Variants in TAF4B observed in about 807,000 individuals in gnomAD.
TAF4B encodes the protein TATA-box binding protein associated factor 4b.
TAF4B carries 38 observed loss-of-function variants against 86.4 expected under a neutral mutation model. The ratio of observed to expected loss-of-function variants is 0.44; its 90% CI spans 0.34 to 0.58. TAF4B has a LOEUF of 0.58. Among genes scored for constraint, TAF4B ranks in the 20% least tolerant of loss-of-function variants. The probability of loss-of-function intolerance (pLI) is 0.02; values close to 1 mark genes in which losing one functional copy is unlikely to be tolerated. For missense variants in TAF4B, 988 were observed against 1,027.6 expected, an observed-to-expected ratio of 0.96 and a Z score of 0.53; for synonymous variants, 388 against 391.2, an observed-to-expected ratio of 0.99 and a Z score of 0.10.
chr18:26,382,048 T>G (rs2057483736), intron 14 of TAF4B, among the ~76,000 whole-genome samples: 1 of 152,210 alleles, frequency 6.6e-6, no homozygotes, highest in South Asian at 2.1e-4. Context: ...ACAAAGCTAC[T>G]GTTAATACAT....
At position 26,226,603 on chromosome 18, in the gene TAF4B, C is replaced by T. The variant is rs978823402; in HGVS notation, c.-331C>T. On this transcript the variant is annotated 5_prime_UTR_variant, in exon 1 of 15. Coordinates refer to ENST00000269142, the MANE Select transcript of TAF4B (RefSeq NM_005640.3). ...GTGAGCGACGACCTTCCGGGAGCCG[C>T]AAGTCCAGGCTCCCCCGCAGCGGGA... is the stretch of plus-strand genomic sequence containing the variant. 4.3e-5 allele frequency: 10 copies of T among 232,338 alleles called. No individual in the cohort carries two copies. Among genetic ancestry groups the T allele is most frequent in the African/African-American group, 1.8e-4 (8 of 44,404 alleles). The allele number at this position is 232,338 out of a possible 1,614,324, so 14.4% of individuals were successfully genotyped here.
intron 1 of TAF4B, among the ~76,000 whole-genome samples, chr18:26,262,264 C>T (rs2056180033): frequency 6.6e-6 from 1 of 150,776 alleles, no homozygotes; most frequent in South Asian, 2.1e-4. Context: ...CGGGAAGATA[C>T]CATAGCCTTA....
intron 14 of TAF4B, among the ~76,000 whole-genome samples, chr18:26,371,949 T>C (rs2057408620): frequency 6.6e-6 from 1 of 152,090 alleles, no homozygotes. Flanking sequence ...GGGGAAATAA[T>C]TAGACACTTT....
intron 3 of TAF4B, among the ~76,000 whole-genome samples, chr18:26,268,591 G>A (rs952299400): frequency 1.3e-5 from 2 of 151,938 alleles, no homozygotes; most frequent in African/African-American, 2.4e-5. Context: ...CATCACAATT[G>A]GGCAAGGAAA....
intron 14 of TAF4B, among the ~76,000 whole-genome samples, chr18:26,371,136 A>C (rs76235616): frequency 0.079 from 11,826 of 150,086 alleles, 564 homozygotes; most frequent in Non-Finnish European, 0.11. Context: ...ACAGAATGTT[A>C]AAAAAAAAAT....
At chr18:26,260,706 G>T (rs2056152360) in intron 1 of TAF4B, among the ~76,000 whole-genome samples, 1 of 149,604 alleles carries the variant, frequency 6.7e-6, no homozygotes. Flanking sequence ...CAAGTTTGCT[G>T]ATCTTTCTTT....
At chr18:26,253,715 C>T (rs994496498) in intron 1 of TAF4B, among the ~76,000 whole-genome samples, 1 of 152,256 alleles carries the variant, frequency 6.6e-6, no homozygotes, top group African/African-American at 2.4e-5. Flanking sequence ...GCTTTTCTTA[C>T]AGATCCTCTT....
At chr18:26,285,222 G>GTTTTTTTTTTTTTTTTTTT (rs776976703) in intron 6 of TAF4B, among the ~76,000 whole-genome samples, 19 of 45,690 alleles carry the variant, frequency 4.2e-4, no homozygotes, top group South Asian at 2.7e-3. Context: ...TTTTTTTTTT[G>GTTTTTTTTTTTTTTTTTTT]TTTTTTTTTT....
At chr18:26,267,411 C>G (rs2056254417) in intron 2 of TAF4B, 105 bp from the exon 3 acceptor site, 1 of 755,382 alleles carries the variant, frequency 1.3e-6, no homozygotes, top group African/African-American at 1.7e-5. Context: ...CCAGTCATAA[C>G]AAATACATTT....
Position 26,267,575 on chromosome 18 carries a change from A to G in TAF4B, c.549A>G (p.Gln183=), listed in dbSNP as rs2056257747. The G allele has an allele frequency of 1.2e-6, 2 of 1,614,214 alleles. No individual in the cohort carries two copies. Among genetic ancestry groups the G allele is most frequent in the Non-Finnish European group, 1.7e-6 (2 of 1,180,028 alleles). Reference sequence around the variant, plus strand: ...TGACACCTGTTAAAAAATTGGCACAAATAGGAACTACTGTGGTAACCACTG... The same window carrying G: ...TGACACCTGTTAAAAAATTGGCACAGATAGGAACTACTGTGGTAACCACTG... The part of the protein sequence containing the change: ...VAVTPVKKLA[Q]IGTTVVTTVP... The change falls in exon 3 of 15, where the codon CAA becomes CAG. Residue 183 remains glutamine, a synonymous_variant. Transcript: ENST00000269142.
rs1051723656 is a variant in TAF4B at position 26,374,693 on chromosome 18, C to G, written c.2422-15152C>G. Among the ~76,000 whole-genome samples the G allele has an allele frequency of 4.6e-5, 7 of 152,060 alleles. No individual in the cohort carries two copies. In the East Asian group the frequency reaches 1.3e-3, roughly 29 times the overall value. ...GTGAAATTTGTCCCAGTTAGATGTT[C>G]AGATTTTCAATTAATGTTATCCACA... is the stretch of plus-strand genomic sequence containing the variant. On this transcript the variant is annotated intron_variant, in intron 14 of 14. Transcript: ENST00000269142.
chr18:26,272,401 C>T (rs181286613), intron 3 of TAF4B, among the ~76,000 whole-genome samples: 44 of 152,180 alleles, frequency 2.9e-4, no homozygotes, highest in African/African-American at 6.3e-4. Flanking sequence ...TACCCGCCCG[C>T]GGCACAGGGG....
At chr18:26,355,712 C>T (rs775396553) in intron 13 of TAF4B, among the ~76,000 whole-genome samples, 3 of 152,160 alleles carry the variant, frequency 2.0e-5, no homozygotes, top group African/African-American at 4.8e-5. Context: ...GTTTGACTAT[C>T]TTGCAGATGC....
chr18:26,247,145 G>A (rs1048625201), intron 1 of TAF4B, among the ~76,000 whole-genome samples: 3 of 152,150 alleles, frequency 2.0e-5, no homozygotes, highest in Non-Finnish European at 2.9e-5. Context: ...GATTACAGGC[G>A]TGAGCCACCA....
chr18:26,230,776 C>T (rs569635834), intron 1 of TAF4B, among the ~76,000 whole-genome samples: 7 of 152,198 alleles, frequency 4.6e-5, no homozygotes, highest in Admixed American at 1.3e-4. Context: ...GACTCTATGT[C>T]GCTATTATCT....
intron 5 of TAF4B, among the ~76,000 whole-genome samples, chr18:26,275,608 A>G (rs2056374694): frequency 6.6e-6 from 1 of 152,216 alleles, no homozygotes; most frequent in African/African-American, 2.4e-5. Context: ...AAGGTATACA[A>G]CATGATGTTT....
chr18:26,288,130 G>A (rs551694629), intron 7 of TAF4B, among the ~76,000 whole-genome samples: 1 of 152,292 alleles, frequency 6.6e-6, no homozygotes, highest in South Asian at 2.1e-4. Context: ...GAACAGAATT[G>A]AAATCCTCTT....
chr18:26,236,227 G>A (rs2055745678), intron 1 of TAF4B, among the ~76,000 whole-genome samples: 1 of 152,194 alleles, frequency 6.6e-6, no homozygotes, highest in Non-Finnish European at 1.5e-5. Flanking sequence ...AAAGGCACGT[G>A]AAAAGAGCAA....
In TAF4B at chr18:26,348,155, A is replaced by G. The variant is rs555111794; in HGVS notation, c.2317-9535A>G. 4.1e-4 allele frequency among the ~76,000 whole-genome samples: 62 copies of G among 152,368 alleles called. 1 individual carries two copies. The highest frequency in any genetic ancestry group is 6.8e-3 in the Middle Eastern group (2 of 294). On this transcript the variant is annotated intron_variant, in intron 13 of 14. Coordinates refer to ENST00000269142, the MANE Select transcript of TAF4B (RefSeq NM_005640.3). ...GTACATGGAACATTTTCCAGTATTG[A>G]CCATATGTTAGGACATAAAACAAGC...
Sources: allele counts gnomAD v4.1 joint callset (sites outside exome capture counted in the v4.1 genomes callset), GRCh38; gene constraint gnomAD v4.1.1; transcripts MANE v1.5; gene names NCBI Gene and HGNC (gene_info 2026-07-23, HGNC 2026-07-21).